Variants in CNNM2 observed in about 807,000 individuals in gnomAD.
The protein encoded by CNNM2 is metal transporter CNNM2.
In CNNM2, 12 loss-of-function variants were observed where a neutral mutation model predicts 66.9. That is an observed-to-expected ratio of 0.18 (90% CI 0.11 to 0.29). The LOEUF (loss-of-function observed/expected upper bound fraction) is 0.29, where lower values mean the gene tolerates loss of function less well. Among genes scored for constraint, CNNM2 ranks in the 10% least tolerant of loss-of-function variants. The pLI, the probability that CNNM2 is intolerant of heterozygous loss-of-function variation, is 1.00. For synonymous variants in CNNM2, 557 were observed against 501.8 expected, an observed-to-expected ratio of 1.11 and a Z score of -1.47; for missense variants, 705 against 1,167.7, an observed-to-expected ratio of 0.60 and a Z score of 5.77.
chr10:102,974,659 C>T (rs548663599), intron 1 of CNNM2, among the ~76,000 whole-genome samples: 68 of 152,126 alleles, frequency 4.5e-4, no homozygotes, highest in Non-Finnish European at 6.5e-4. Context: ...TCAGCCCTGC[C>T]AGTAGCTGGG....
At chr10:102,984,920 T>TA (rs1473631132) in intron 1 of CNNM2, among the ~76,000 whole-genome samples, 1 of 152,180 alleles carries the variant, frequency 6.6e-6, no homozygotes, top group African/African-American at 2.4e-5. Flanking sequence ...GGGCTGGGAT[T>TA]ATAGGCTTGA....
intron 1 of CNNM2, among the ~76,000 whole-genome samples, chr10:103,023,421 A>AC (rs1397084047): frequency 3.3e-5 from 5 of 152,068 alleles, no homozygotes; most frequent in Non-Finnish European, 5.9e-5. Context: ...GGTGGTGAGT[A>AC]CCTGTAATCC....
intron 1 of CNNM2, among the ~76,000 whole-genome samples, chr10:103,000,230 C>T (rs573696520): frequency 6.7e-6 from 1 of 149,006 alleles, no homozygotes; most frequent in Non-Finnish European, 1.5e-5. Context: ...GAGCGAAACT[C>T]CGTCTCAAAA....
chr10:102,920,204 C>CGG, intron 1 of CNNM2, 103 bp downstream of exon 1: 1 of 1,606,908 alleles, frequency 6.2e-7, no homozygotes, highest in Non-Finnish European at 8.5e-7. Flanking sequence ...GCGAGTTGAC[C>CGG]GGGATTTCTC....
chr10:102,999,178 C>A (rs971813376), intron 1 of CNNM2, among the ~76,000 whole-genome samples: 4 of 151,536 alleles, frequency 2.6e-5, no homozygotes, highest in African/African-American at 9.7e-5. Flanking sequence ...TCACGCCATT[C>A]TCCCGCCTCA....
intron 1 of CNNM2, among the ~76,000 whole-genome samples, chr10:102,984,618 A>G (rs1299505196): frequency 6.6e-6 from 1 of 152,176 alleles, no homozygotes; most frequent in Non-Finnish European, 1.5e-5. Context: ...TGACAATCTA[A>G]GCCTAGATTA....
At chr10:102,931,259 G>A (rs1846052754) in intron 1 of CNNM2, among the ~76,000 whole-genome samples, 1 of 151,998 alleles carries the variant, frequency 6.6e-6, no homozygotes, top group African/African-American at 2.4e-5. Context: ...CCTATTGCAA[G>A]TTGGCCATAG....
At position 102,919,965 on chromosome 10, in the gene CNNM2, G is replaced by A. The variant is rs369230465; in HGVS notation, c.1485G>A (p.Leu495=). The change falls in exon 1 of 8, where the codon CTG becomes CTA. Residue 495 remains leucine, a synonymous_variant. Transcript: ENST00000369878. ...EGERSNIVDL[L]FVKDLAFVDP... Reference sequence around the variant, plus strand: ...AGCGCTCCAATATCGTGGACCTGCTGTTTGTCAAAGACTTGGCCTTCGTGG... The same window carrying A: ...AGCGCTCCAATATCGTGGACCTGCTATTTGTCAAAGACTTGGCCTTCGTGG... 9 of 1,614,232 alleles carry A rather than the reference G, an allele frequency of 5.6e-6. No homozygotes were observed. Among genetic ancestry groups the A allele is most frequent in the African/African-American group, 5.3e-5 (4 of 75,060 alleles).
At chr10:103,000,242 C>CAAAT (rs139250349) in intron 1 of CNNM2, among the ~76,000 whole-genome samples, 11,838 of 146,116 alleles carry the variant, frequency 0.081, 556 homozygotes, top group East Asian at 0.11. Context: ...GTCTCAAAAA[C>CAAAT]AAATAAATAA....
At chr10:102,960,039 A>G (rs2063354780) in intron 1 of CNNM2, among the ~76,000 whole-genome samples, 1 of 151,918 alleles carries the variant, frequency 6.6e-6, no homozygotes, top group African/African-American at 2.4e-5. Flanking sequence ...GCGACAGAGC[A>G]AGACTCTGTC....
intron 7 of CNNM2, 31 bp from the exon 8 acceptor site, chr10:103,076,940 G>T (rs368939623): frequency 2.5e-6 from 4 of 1,595,564 alleles, no homozygotes; most frequent in Non-Finnish European, 3.4e-6. Context: ...CATTATCTTG[G>T]TTTGTTTTCT....
chr10:103,009,029 C>A (rs2064284427), intron 1 of CNNM2, among the ~76,000 whole-genome samples: 1 of 152,176 alleles, frequency 6.6e-6, no homozygotes. Context: ...GTAATCCCAG[C>A]ACTTTGGGAG....
chr10:102,947,210 T>C (rs979243226), intron 1 of CNNM2, among the ~76,000 whole-genome samples: 44 of 152,272 alleles, frequency 2.9e-4, no homozygotes, highest in African/African-American at 7.7e-4. Context: ...TATAATCCTT[T>C]TATAGTTCCC....
At chr10:103,017,863 C>T (rs932766959) in intron 1 of CNNM2, among the ~76,000 whole-genome samples, 2 of 150,610 alleles carry the variant, frequency 1.3e-5, no homozygotes, top group Non-Finnish European at 2.9e-5. Context: ...ACTCGGGAGG[C>T]TGAGGCAGGA....
At chr10:103,060,211 T>C (rs536325454) in intron 4 of CNNM2, among the ~76,000 whole-genome samples, 2 of 152,006 alleles carry the variant, frequency 1.3e-5, no homozygotes, top group Non-Finnish European at 2.9e-5. Flanking sequence ...TACAAAAAGA[T>C]AGAAATTTCA....
chr10:103,004,223 G>A (rs757537961), intron 1 of CNNM2, among the ~76,000 whole-genome samples: 2 of 151,760 alleles, frequency 1.3e-5, no homozygotes, highest in South Asian at 2.1e-4. Context: ...GGTTGGTCTC[G>A]AACTCCCGAC....
At chr10:103,062,261 T>C (rs1470796762) in intron 4 of CNNM2, among the ~76,000 whole-genome samples, 2 of 152,144 alleles carry the variant, frequency 1.3e-5, no homozygotes, top group African/African-American at 2.4e-5. Context: ...ACGGGGGTCG[T>C]CTTGTGGAGT....
intron 1 of CNNM2, among the ~76,000 whole-genome samples, chr10:103,018,480 G>T (rs1392204512): frequency 6.6e-6 from 1 of 152,092 alleles, no homozygotes; most frequent in Non-Finnish European, 1.5e-5. Flanking sequence ...CCAGCAGATA[G>T]ATAATGAAAA....
At chr10:103,042,709 C>T (rs549472950) in intron 1 of CNNM2, among the ~76,000 whole-genome samples, 6 of 152,160 alleles carry the variant, frequency 3.9e-5, no homozygotes, top group Non-Finnish European at 8.8e-5. Context: ...CATATACATT[C>T]TCTCACTTGA....
Sources: allele counts gnomAD v4.1 joint callset (sites outside exome capture counted in the v4.1 genomes callset), GRCh38; gene constraint gnomAD v4.1.1; transcripts MANE v1.5; gene names NCBI Gene and HGNC (gene_info 2026-07-23, HGNC 2026-07-21).